The following POU6F1 variants were observed in gnomAD, a reference collection of about 807,000 sequenced individuals.
POU6F1 encodes the protein POU domain, class 6, transcription factor 1.
Under a neutral mutation model 28.9 loss-of-function variants are expected in POU6F1, and 9 were observed. That is an observed-to-expected ratio of 0.31 (90% CI 0.19 to 0.54). The LOEUF (loss-of-function observed/expected upper bound fraction) is 0.54. Ranked by LOEUF, POU6F1 falls within the 20% of genes least tolerant of loss-of-function variation. The pLI is 0.94. For missense variants in POU6F1, 338 were observed against 426.1 expected (o/e 0.79, Z 1.82); for synonymous variants, 173 against 171.1 (o/e 1.01, Z -0.09).
chr12:51,195,443 C>T (rs1174653212), intron 8 of POU6F1, among the ~76,000 whole-genome samples: 1 of 152,180 alleles, frequency 6.6e-6, no homozygotes, highest in Non-Finnish European at 1.5e-5. Context: ...TTGTAATGGT[C>T]TCCAATGCCA....
chr12:51,191,663 G>A lies in POU6F1; in HGVS notation c.1423C>T (p.Gln475Ter). 6.2e-7 allele frequency: 1 copy of A among 1,614,196 alleles called. No individual in the cohort carries two copies. Among genetic ancestry groups the A allele is most frequent in the Non-Finnish European group, 8.5e-7 (1 of 1,180,046 alleles). The change falls in exon 10 of 11, where the codon CAG becomes TAG. Residue 475 changes from glutamine (Q) to a stop codon, truncating the protein, a stop_gained. Transcript: ENST00000333640. LOFTEE classifies it high-confidence loss of function. ...KIRRLSLGLTQTQVGQALTAT... is the reference protein window; with the variant it reads ...KIRRLSLGLT ...GTCAGAGCCTGACCCACCTGGGTCT[G>A]TGTAAGGCCCAGCGAGAGCCGCCGG...
rs1942330537 is a variant in POU6F1 at position 51,190,518 on chromosome 12, G to C, written c.1565C>G (p.Ala522Gly). The change falls in exon 11 of 11, where the codon GCT (alanine) becomes GGT (glycine). Residue 522 changes from alanine to glycine, a missense_variant. Coordinates refer to ENST00000333640, the MANE Select transcript of POU6F1 (RefSeq NM_001330422.2). This position sits in a 1 kb window ranked among gnomAD's most constrained non-coding sequence, Gnocchi z 4.5. The stretch of plus-strand genomic sequence containing the variant: ...CTGGCCTTCCTGGTTCCGCAGTTCA[G>C]CTTCGTTTAGCCACTTTTCCAGCAC... Reference protein sequence around the residue: ...KPVLEKWLNEAELRNQEGQQN... With the variant: ...KPVLEKWLNEGELRNQEGQQN... The C allele has an allele frequency of 6.2e-7, 1 of 1,614,178 alleles. No homozygotes were observed. The highest frequency in any genetic ancestry group is 8.5e-7 in the Non-Finnish European group (1 of 1,180,038).
In POU6F1 at chr12:51,217,353, C is replaced by A. The variant is rs1388825648; in HGVS notation, c.-48+289G>T. 6.6e-6 allele frequency among the ~76,000 whole-genome samples: 1 copy of A among 152,096 alleles called. No homozygotes were observed. The highest frequency in any genetic ancestry group is 1.5e-5 in the Non-Finnish European group (1 of 67,990). On this transcript the variant is annotated intron_variant, in intron 1 of 10. Transcript: ENST00000333640. This position sits in a 1 kb window ranked among gnomAD's most constrained non-coding sequence, Gnocchi z 5.3. ...GGGGTTCCCCACCGGGTCCACCTGG[C>A]GGCCGCCCCCTCCGCTCCAGGTCCA...
intron 8 of POU6F1, among the ~76,000 whole-genome samples, chr12:51,194,409 G>T (rs1178696761): frequency 2.6e-5 from 4 of 152,164 alleles, no homozygotes; most frequent in Admixed American, 2.0e-4. Flanking sequence ...GGGAGGCTGA[G>T]GTGGGCTGAT....
In POU6F1 at chr12:51,210,932, T is replaced by C. The variant is rs79986837; in HGVS notation, c.-47-4049A>G. 7.4e-3 allele frequency among the ~76,000 whole-genome samples: 1,123 copies of C among 152,346 alleles called. 16 individuals carry two copies. The highest frequency in any genetic ancestry group is 0.026 in the African/African-American group (1,070 of 41,586). ...CTCTGACAAGTAGACACTCAGCATTTTGACTCTGAGCTGTACCCTGTGTGT... is the reference window on the plus strand; with the variant it reads ...CTCTGACAAGTAGACACTCAGCATTCTGACTCTGAGCTGTACCCTGTGTGT... On this transcript the variant is annotated intron_variant, in intron 1 of 10. Coordinates refer to ENST00000333640, the MANE Select transcript of POU6F1 (RefSeq NM_001330422.2).
intron 8 of POU6F1, among the ~76,000 whole-genome samples, chr12:51,193,059 A>G (rs2137101958): frequency 6.6e-6 from 1 of 152,360 alleles, no homozygotes; most frequent in South Asian, 2.1e-4. Flanking sequence ...AGAAAGGTTC[A>G]GTACACTTGG....
At chr12:51,193,711 G>A (rs537313196) in intron 8 of POU6F1, among the ~76,000 whole-genome samples, 1 of 152,166 alleles carries the variant, frequency 6.6e-6, no homozygotes, top group African/African-American at 2.4e-5. Flanking sequence ...TGTCTCTGGA[G>A]TTGGAATTAG....
Position 51,190,674 on chromosome 12 carries a change from ATCCTCAAGGGGCCGC to A in POU6F1, c.1491-97_1491-83del. ...CACCCCGCACCTAGGTGCAGGCTCC[ATCCTCAAGGGGCCGC>A]TCCTCTAGGGGCTGGTGAGACTGTA... is the stretch of plus-strand genomic sequence containing the variant. On this transcript the variant is annotated intron_variant, in intron 10 of 10. Transcript: ENST00000333640. The surrounding 1 kb of genome is among the most constrained non-coding windows in gnomAD (Gnocchi z 4.5). 28 of 1,538,722 alleles carry A rather than the reference ATCCTCAAGGGGCCGC, an allele frequency of 1.8e-5. No individual in the cohort carries two copies. The highest frequency in any genetic ancestry group is 2.4e-5 in the Non-Finnish European group (28 of 1,145,574).
intron 1 of POU6F1, among the ~76,000 whole-genome samples, chr12:51,210,021 G>C (rs1464850056): frequency 6.6e-6 from 1 of 152,078 alleles, no homozygotes; most frequent in African/African-American, 2.4e-5. Flanking sequence ...GCAGTGGCAT[G>C]ACCATGGCTC....
Position 51,208,110 on chromosome 12 carries a change from C to CAAA in POU6F1, c.-47-1230_-47-1228dup, listed in dbSNP as rs11316062. Among the ~76,000 whole-genome samples the CAAA allele has an allele frequency of 8.3e-4, 113 of 136,488 alleles. 1 individual carries two copies. Among genetic ancestry groups the CAAA allele is most frequent in the Non-Finnish European group, 2.5e-4 (16 of 64,202 alleles). 89.5% of individuals were successfully genotyped at this position (136,488 alleles called of 152,430 possible). Reference sequence around the variant, plus strand: ...CAACATAGTGAGGCCCTGTCTGTACCAAAAAAAAAAAAAAAAAAATTAGCT... The same window carrying CAAA: ...CAACATAGTGAGGCCCTGTCTGTACCAAAAAAAAAAAAAAAAAAAAAATTAGCT... On this transcript the variant is annotated intron_variant, in intron 1 of 10. Transcript: ENST00000333640.
rs1053549517 is a variant in POU6F1 at position 51,187,669 on chromosome 12, G to A, written c.*2578C>T. The A allele has an allele frequency of 6.6e-6, 1 of 152,194 alleles. No homozygotes were observed. The highest frequency in any genetic ancestry group is 2.4e-5 in the African/African-American group (1 of 41,436). 9.4% of individuals were successfully genotyped at this position (152,194 alleles called of 1,614,324 possible). A position where few individuals can be genotyped will look rare whatever the true frequency, so the allele number is the denominator to read the frequency against. On this transcript the variant is annotated 3_prime_UTR_variant, in exon 11 of 11. Coordinates refer to ENST00000333640, the MANE Select transcript of POU6F1 (RefSeq NM_001330422.2). ...TCCATCATTCCAGCAGAGGAGAAAT[G>A]GTTTAGTTTTAGCTCAGCTTTGGGA...
chr12:51,207,579 ATAAAT>A (rs953152822), intron 1 of POU6F1: 57 of 152,352 alleles, frequency 3.7e-4, no homozygotes, highest in African/African-American at 1.3e-3. Context: ...TGGTAAAAAC[ATAAAT>A]TAAAGTGCTC....
At chr12:51,194,117 C>T (rs1052933533) in intron 8 of POU6F1, among the ~76,000 whole-genome samples, 17 of 152,080 alleles carry the variant, frequency 1.1e-4, no homozygotes, top group African/African-American at 4.1e-4. Context: ...ACCTCTGCCT[C>T]CCGGGTTCAA....
intron 2 of POU6F1, among the ~76,000 whole-genome samples, chr12:51,206,512 GA>G (rs1165926864): frequency 6.6e-6 from 1 of 150,386 alleles, no homozygotes; most frequent in Non-Finnish European, 1.5e-5. Flanking sequence ...GTGTAAGCAA[GA>G]AGAAAAACTA....
chr12:51,195,505 TG>T (rs1272880999), intron 8 of POU6F1, among the ~76,000 whole-genome samples: 2 of 46,518 alleles, frequency 4.3e-5, no homozygotes, highest in Non-Finnish European at 7.9e-5. Context: ...CTTCAGCACT[TG>T]GAATAATAGT....
At chr12:51,214,941 A>G (rs1302592707) in intron 1 of POU6F1, among the ~76,000 whole-genome samples, 1 of 152,116 alleles carries the variant, frequency 6.6e-6, no homozygotes, top group Admixed American at 6.6e-5. Flanking sequence ...CCTGGGTGAC[A>G]GCAGAGTGAG....
At chr12:51,216,979 G>T (rs971645657) in intron 1 of POU6F1, among the ~76,000 whole-genome samples, 1 of 147,458 alleles carries the variant, frequency 6.8e-6, no homozygotes, top group Non-Finnish European at 1.5e-5. Context: ...AGCCTGCATC[G>T]GGCCCATTAT....
At chr12:51,198,905 A>C in intron 4 of POU6F1, 130 bp from the exon 5 acceptor site, 1 of 396,410 alleles carries the variant, frequency 2.5e-6, no homozygotes, top group Non-Finnish European at 4.4e-6. Context: ...GCCGAAGGCC[A>C]CATGAGGATG....
At position 51,196,017 on chromosome 12, in the gene POU6F1, C is replaced by T; in HGVS notation, c.1132G>A (p.Val378Met). 1 of 1,610,530 alleles carries T rather than the reference C, an allele frequency of 6.2e-7. No homozygotes were observed. Among genetic ancestry groups the T allele is most frequent in the African/African-American group, 1.3e-5 (1 of 74,670 alleles). The change falls in exon 8 of 11, where the codon GTG becomes ATG. Residue 378 changes from valine (V) to methionine (M), a missense_variant. Val to Met is a conservative substitution (Grantham distance 21). This residue lies in a region of POU6F1 where 206 missense variants were observed against 225.6 expected (regional missense o/e 0.91). Coordinates refer to ENST00000333640, the MANE Select transcript of POU6F1 (RefSeq NM_001330422.2). ...TLASSPLPPP[V>M]AVRKPSTPES... ...GGTGTGCTTGGCTTCCGGACAGCCA[C>T]AGGTGGAGGCAGGGGGCTGCTAGCC...
Sources: gnomAD v4.1 joint callset for allele counts (sites outside exome capture counted in the v4.1 genomes callset) on GRCh38, gnomAD v4.1.1 for gene constraint, gnomAD v4.1.1 regional missense constraint, Gnocchi (gnomAD v3.1) non-coding constraint, MANE v1.5 for transcripts, NCBI Gene and HGNC (gene_info 2026-07-23, HGNC 2026-07-21) for gene names.